Variants in KCNIP3 observed in about 807,000 individuals in gnomAD.
The protein encoded by KCNIP3 is calsenilin.
In KCNIP3, 28 loss-of-function variants were observed where a neutral mutation model predicts 35.0. That is an observed-to-expected ratio of 0.80 (90% CI 0.59 to 1.10). The LOEUF (loss-of-function observed/expected upper bound fraction) is 1.10, where lower values mean the gene tolerates loss of function less well. KCNIP3 is among the 50% of genes least tolerant of loss of function. KCNIP3 has a pLI of 0.00. For synonymous variants in KCNIP3, 134 were observed against 133.8 expected (o/e 1.00, Z -0.01); for missense variants, 295 against 338.4 (o/e 0.87, Z 1.01).
chr2:95,345,027 C>T, intron 2 of KCNIP3, among the ~76,000 whole-genome samples: 1 of 152,252 alleles, frequency 6.6e-6, no homozygotes, highest in Non-Finnish European at 1.5e-5. Context: ...GATTGTTAGC[C>T]TCTCTGCTTA....
chr2:95,323,406 A>G (rs991936157), intron 2 of KCNIP3, among the ~76,000 whole-genome samples: 2 of 152,194 alleles, frequency 1.3e-5, no homozygotes, highest in African/African-American at 4.8e-5. Flanking sequence ...AGGAAAAGGC[A>G]GAACTGCGGT....
intron 1 of KCNIP3, 70 bp from the exon 2 acceptor site, chr2:95,310,285 A>G (rs1678276377): frequency 1.3e-6 from 2 of 1,579,222 alleles, no homozygotes; most frequent in South Asian, 2.2e-5. Flanking sequence ...ATATCAGGGC[A>G]GCTCGGGACC....
chr2:95,371,744 A>C (rs1423539427), intron 2 of KCNIP3, among the ~76,000 whole-genome samples: 1 of 150,828 alleles, frequency 6.6e-6, no homozygotes, highest in Non-Finnish European at 1.5e-5. Context: ...TGATGAATTA[A>C]TCCTTGTATC....
chr2:95,319,952 G>A (rs940833474), intron 2 of KCNIP3, among the ~76,000 whole-genome samples: 2 of 152,192 alleles, frequency 1.3e-5, no homozygotes, highest in African/African-American at 4.8e-5. Flanking sequence ...GGGCAAGAGC[G>A]GCAGGTTTGC....
chr2:95,317,771 G>T (rs1482876366), intron 2 of KCNIP3, among the ~76,000 whole-genome samples: 2 of 152,202 alleles, frequency 1.3e-5, no homozygotes, highest in East Asian at 3.9e-4. Context: ...GCAGGCTTGT[G>T]GGGGTACCGC....
At chr2:95,341,577 C>T (rs1222058708) in intron 2 of KCNIP3, among the ~76,000 whole-genome samples, 8 of 152,120 alleles carry the variant, frequency 5.3e-5, no homozygotes. Context: ...CTTTCATATC[C>T]ATAGCCCACT....
chr2:95,372,816 A>G (rs1298408003), intron 2 of KCNIP3, among the ~76,000 whole-genome samples: 1 of 152,318 alleles, frequency 6.6e-6, no homozygotes, highest in African/African-American at 2.4e-5. Context: ...AAGGGGAAGG[A>G]TGGTATGAAA....
chr2:95,320,348 G>A (rs1476306805), intron 2 of KCNIP3, among the ~76,000 whole-genome samples: 2 of 152,098 alleles, frequency 1.3e-5, no homozygotes, highest in Non-Finnish European at 2.9e-5. Flanking sequence ...TTTCCAGCCC[G>A]GCACCCCTTC....
chr2:95,318,799 G>A (rs1678520687), intron 2 of KCNIP3, among the ~76,000 whole-genome samples: 2 of 152,228 alleles, frequency 1.3e-5, no homozygotes, highest in African/African-American at 2.4e-5. Context: ...GTGGGGACGC[G>A]GAGGAGAGTA....
chr2:95,303,521 G>A (rs1419033627), intron 1 of KCNIP3: 2 of 152,346 alleles, frequency 1.3e-5, no homozygotes, highest in African/African-American at 4.8e-5. Flanking sequence ...CACATCTAGA[G>A]TAGGTCCTGA....
chr2:95,381,894 G>A (rs1680355611), intron 6 of KCNIP3, among the ~76,000 whole-genome samples, 191 bp downstream of exon 6: 1 of 152,202 alleles, frequency 6.6e-6, no homozygotes, highest in South Asian at 2.1e-4. Flanking sequence ...CCGGTGTGGA[G>A]TGTGGGTTCA....
At chr2:95,326,342 G>T (rs892815739) in intron 2 of KCNIP3, among the ~76,000 whole-genome samples, 1 of 151,912 alleles carries the variant, frequency 6.6e-6, no homozygotes, top group Non-Finnish European at 1.5e-5. Context: ...ATACTCACAT[G>T]TGCACACATA....
chr2:95,305,360 C>A (rs1678141641), intron 1 of KCNIP3, among the ~76,000 whole-genome samples: 1 of 152,186 alleles, frequency 6.6e-6, no homozygotes, highest in Non-Finnish European at 1.5e-5. Flanking sequence ...GATTCACATG[C>A]AGTTGCAGGA....
chr2:95,308,464 C>CT (rs759794838), intron 1 of KCNIP3, among the ~76,000 whole-genome samples: 14 of 152,256 alleles, frequency 9.2e-5, no homozygotes, highest in Non-Finnish European at 1.6e-4. Context: ...TCATCAAACA[C>CT]TGACTAGTGG....
At chr2:95,349,718 G>A (rs1420665146) in intron 2 of KCNIP3, among the ~76,000 whole-genome samples, 1 of 152,236 alleles carries the variant, frequency 6.6e-6, no homozygotes, top group African/African-American at 2.4e-5. Flanking sequence ...ACCCTGGGTG[G>A]CAGAAAAGCA....
At chr2:95,313,787 G>A (rs1305676940) in intron 2 of KCNIP3, 2 of 152,122 alleles carry the variant, frequency 1.3e-5, no homozygotes, top group Non-Finnish European at 2.9e-5. Flanking sequence ...ACCAGAGAAC[G>A]AGGTCTGAAT....
intron 8 of KCNIP3, 92 bp from the exon 9 acceptor site, chr2:95,383,910 C>A: frequency 9.2e-7 from 1 of 1,081,258 alleles, no homozygotes; most frequent in Non-Finnish European, 1.4e-6. Context: ...GCAGTCGCTG[C>A]AGGCTCCGAG....
At position 95,384,158 on chromosome 2, in the gene KCNIP3, G is replaced by T. The variant is rs563864096; in HGVS notation, c.*109G>T. On this transcript the variant is annotated 3_prime_UTR_variant, in exon 9 of 9. Coordinates refer to ENST00000295225, the MANE Select transcript of KCNIP3 (RefSeq NM_013434.5). ...TTTAAAAAATAGATTTGCAAAAAGTGAACAGATTGCTACACACACACACAC... is the reference window on the plus strand; with the variant it reads ...TTTAAAAAATAGATTTGCAAAAAGTTAACAGATTGCTACACACACACACAC... The T allele has an allele frequency of 1.3e-4, 95 of 736,440 alleles. 3 individuals carry two copies. The South Asian group carries it at 1.4e-3, about 11-fold the overall frequency. The allele number at this position is 736,440 out of a possible 1,614,324, so 45.6% of individuals were successfully genotyped here.
intron 1 of KCNIP3, among the ~76,000 whole-genome samples, chr2:95,299,511 T>C (rs1677966072): frequency 6.6e-6 from 1 of 152,108 alleles, no homozygotes; most frequent in Admixed American, 6.6e-5. Context: ...CTCACTCCTA[T>C]GGGGAGGCGG....
Sources: gnomAD v4.1 joint callset for allele counts (sites outside exome capture counted in the v4.1 genomes callset) on GRCh38, gnomAD v4.1.1 for gene constraint, MANE v1.5 for transcripts, NCBI Gene and HGNC (gene_info 2026-07-23, HGNC 2026-07-21) for gene names.